Variants in DLG2 observed in about 807,000 individuals in gnomAD.
DLG2 encodes the protein discs large MAGUK scaffold protein 2, also known as disks large homolog 2.
In DLG2, 45 loss-of-function variants were observed where a neutral mutation model predicts 132.5. The ratio of observed to expected loss-of-function variants is 0.34; its 90% confidence interval spans 0.27 to 0.44. DLG2 has a LOEUF of 0.44. Among genes scored for constraint, DLG2 ranks in the 20% least tolerant of loss-of-function variants. The pLI is 1.00. For missense variants in DLG2, 1,045 were observed against 1,196.9 expected, an observed-to-expected ratio of 0.87 and a Z score of 1.87; for synonymous variants, 424 against 419.6, an observed-to-expected ratio of 1.01 and a Z score of -0.13.
intron 8 of DLG2, among the ~76,000 whole-genome samples, chr11:84,227,316 C>A (rs2097015302): frequency 6.6e-6 from 1 of 151,584 alleles, no homozygotes. Flanking sequence ...CAGAGAATTG[C>A]AAAAGGAAAT....
intron 6 of DLG2, among the ~76,000 whole-genome samples, chr11:84,750,571 T>C (rs1333386909): frequency 6.6e-6 from 1 of 152,116 alleles, no homozygotes; most frequent in East Asian, 1.9e-4. Context: ...TTAATAGTTA[T>C]TGAAAAAAAC....
intron 19 of DLG2, among the ~76,000 whole-genome samples, chr11:83,609,322 GC>G (rs2059782410): frequency 1.3e-5 from 2 of 152,130 alleles, no homozygotes; most frequent in Admixed American, 6.5e-5. Flanking sequence ...TAGCCAACCT[GC>G]CCCAGCAGGG....
chr11:85,007,241 C>T (rs2058740122), intron 6 of DLG2, among the ~76,000 whole-genome samples: 1 of 152,068 alleles, frequency 6.6e-6, no homozygotes, highest in Non-Finnish European at 1.5e-5. Context: ...AATATTGGTA[C>T]CTTTGTCAGG....
At chr11:85,527,345 T>C (rs1202503935) in intron 3 of DLG2, among the ~76,000 whole-genome samples, 2 of 152,140 alleles carry the variant, frequency 1.3e-5, no homozygotes, top group East Asian at 3.9e-4. Context: ...CTCTCTCCCC[T>C]TGCGCCCCAC....
chr11:83,770,338 C>A (rs2094344497), intron 18 of DLG2, among the ~76,000 whole-genome samples: 1 of 144,458 alleles, frequency 6.9e-6, no homozygotes, highest in Admixed American at 6.9e-5. Context: ...TTAAAAAGTT[C>A]TTTAATTAAA....
intron 6 of DLG2, among the ~76,000 whole-genome samples, chr11:84,756,622 G>T (rs1048695524): frequency 2.6e-5 from 4 of 152,138 alleles, no homozygotes; most frequent in Admixed American, 2.6e-4. Context: ...GTAGATTCTA[G>T]TATACACAAA....
At chr11:83,784,555 A>G (rs1034021061) in intron 18 of DLG2, among the ~76,000 whole-genome samples, 5 of 152,238 alleles carry the variant, frequency 3.3e-5, no homozygotes, top group African/African-American at 1.2e-4. Flanking sequence ...GTTTCTTTAC[A>G]AGCACTTTAA....
intron 6 of DLG2, among the ~76,000 whole-genome samples, chr11:84,540,099 C>T (rs2099364541): frequency 6.6e-6 from 1 of 152,152 alleles, no homozygotes; most frequent in Non-Finnish European, 1.5e-5. Context: ...TAGAAGAAAA[C>T]TTAGGCAATA....
intron 16 of DLG2, among the ~76,000 whole-genome samples, chr11:83,835,235 T>C (rs1490302967): frequency 1.3e-5 from 2 of 152,144 alleles, no homozygotes; most frequent in East Asian, 1.9e-4. Flanking sequence ...ACAAAACAAA[T>C]ATCCCTGTCC....
chr11:84,191,048 T>C (rs563032529), intron 8 of DLG2, among the ~76,000 whole-genome samples: 50 of 152,186 alleles, frequency 3.3e-4, no homozygotes, highest in Non-Finnish European at 5.9e-4. Flanking sequence ...AGTTAAAACT[T>C]TGTTCATTTA....
rs1239691964 is a variant in DLG2, at chr11:83,971,135, C to A, written c.1057-5667G>T. ...TTGTCTTTTTTATTCTTTTTTTTCT[C>A]ATTTGCATCAAATATCTGCCTATAA... On this transcript the variant is annotated intron_variant, in intron 12 of 27. Coordinates refer to ENST00000376104, the MANE Select transcript of DLG2 (RefSeq NM_001142699.3). Among the ~76,000 whole-genome samples the A allele has an allele frequency of 2.0e-5, 3 of 151,708 alleles. 1 individual carries two copies. The highest frequency in any genetic ancestry group is 2.0e-4 in the Admixed American group (3 of 15,208).
intron 11 of DLG2, among the ~76,000 whole-genome samples, chr11:84,018,628 G>A (rs902242096): frequency 4.6e-5 from 7 of 151,850 alleles, no homozygotes; most frequent in Non-Finnish European, 7.4e-5. Flanking sequence ...TCACACATGA[G>A]TCTGATAATA....
chr11:84,873,563 A>G (rs2085837485), intron 6 of DLG2, among the ~76,000 whole-genome samples: 1 of 152,248 alleles, frequency 6.6e-6, no homozygotes, highest in African/African-American at 2.4e-5. Flanking sequence ...GTAAGTAAGC[A>G]TGGAAAGCCA....
intron 6 of DLG2, among the ~76,000 whole-genome samples, chr11:84,561,776 T>C (rs1378284713): frequency 6.6e-6 from 1 of 152,202 alleles, no homozygotes; most frequent in African/African-American, 2.4e-5. Context: ...AATTGTTAGT[T>C]AATAAGTATC....
chr11:84,074,652 C>A (rs1017082963), intron 10 of DLG2, among the ~76,000 whole-genome samples: 1 of 151,812 alleles, frequency 6.6e-6, no homozygotes, highest in Admixed American at 6.6e-5. Context: ...CCTCAGCCTC[C>A]CAAGTAGCTG....
At chr11:85,245,797 C>T (rs1043250644) in intron 4 of DLG2, among the ~76,000 whole-genome samples, 2 of 151,990 alleles carry the variant, frequency 1.3e-5, no homozygotes, top group Non-Finnish European at 2.9e-5. Context: ...CACTCCTTCT[C>T]ATCTACTCTA....
At chr11:85,347,431 C>T (rs1178207648) in intron 3 of DLG2, among the ~76,000 whole-genome samples, 1 of 152,234 alleles carries the variant, frequency 6.6e-6, no homozygotes, top group Non-Finnish European at 1.5e-5. Context: ...CAAGACAATG[C>T]CTGCCTGTTG....
At position 83,850,160 on chromosome 11, in the gene DLG2, G is replaced by GTGTGTGTGTTTT. The variant is rs1452960432; in HGVS notation, c.1566-16391_1566-16390insAAAACACACACA. On this transcript the variant is annotated intron_variant, in intron 16 of 27. Transcript: ENST00000376104. The stretch of plus-strand genomic sequence containing the variant: ...TGTGTGTGTGTGTGTGTGTGTGTGT[G>GTGTGTGTGTTTT]TTTTTTTACTTGAGACGGAGTCTCA... Among the ~76,000 whole-genome samples, 95 of 124,368 alleles carry GTGTGTGTGTTTT rather than the reference G, an allele frequency of 7.6e-4. 4 individuals are homozygous for GTGTGTGTGTTTT. Among genetic ancestry groups the GTGTGTGTGTTTT allele is most frequent in the African/African-American group, 3.3e-3 (91 of 27,714 alleles). The allele number at this position is 124,368 out of a possible 152,430, so 81.6% of individuals were successfully genotyped here.
intron 21 of DLG2, among the ~76,000 whole-genome samples, chr11:83,501,277 A>G (rs1054287029): frequency 1.8e-4 from 28 of 151,526 alleles, no homozygotes; most frequent in Non-Finnish European, 1.5e-4. Flanking sequence ...AATCCCTCAC[A>G]ATATGGCTGT....
Sources: gnomAD v4.1 joint callset for allele counts (sites outside exome capture counted in the v4.1 genomes callset) on GRCh38, gnomAD v4.1.1 for gene constraint, MANE v1.5 for transcripts, NCBI Gene and HGNC (gene_info 2026-07-23, HGNC 2026-07-21) for gene names.